The following ETFA variants were observed in gnomAD, a reference collection of about 807,000 sequenced individuals.
ETFA encodes electron transfer flavoprotein subunit alpha, mitochondrial.
Under a neutral mutation model 46.2 loss-of-function variants are expected in ETFA, and 22 were observed. That is an observed-to-expected ratio of 0.48 (90% confidence interval 0.34 to 0.68). ETFA has a LOEUF of 0.68. ETFA is among the 30% of genes least tolerant of loss of function. ETFA has a pLI of 0.01. For synonymous variants in ETFA, 131 were observed against 139.9 expected (o/e 0.94, Z 0.45); for missense variants, 345 against 401.1 (o/e 0.86, Z 1.19).
At chr15:76,270,945 G>A (rs765506777) in intron 9 of ETFA, among the ~76,000 whole-genome samples, 5 of 152,070 alleles carry the variant, frequency 3.3e-5, no homozygotes, top group African/African-American at 7.2e-5. Context: ...CAAGGTGGGC[G>A]GATCACTTGA....
intron 11 of ETFA, among the ~76,000 whole-genome samples, chr15:76,221,338 G>A: frequency 6.6e-6 from 1 of 152,234 alleles, no homozygotes; most frequent in Non-Finnish European, 1.5e-5. Flanking sequence ...GGCTGGAGAT[G>A]CAGAATGTAA....
At chr15:76,217,604 A>C (rs1171143825) in intron 11 of ETFA, 1 of 455,774 alleles carries the variant, frequency 2.2e-6, no homozygotes, top group African/African-American at 2.0e-5. Context: ...GTGGCAGTGC[A>C]GTGGCTGCAA....
At chr15:76,246,615 A>C (rs954321381) in intron 9 of ETFA, among the ~76,000 whole-genome samples, 2 of 152,124 alleles carry the variant, frequency 1.3e-5, no homozygotes, top group Non-Finnish European at 2.9e-5. Context: ...GCAGATCACG[A>C]GGTCAGGAGA....
chr15:76,258,372 T>C (rs1029114700), intron 9 of ETFA, among the ~76,000 whole-genome samples: 5 of 152,062 alleles, frequency 3.3e-5, no homozygotes, highest in Admixed American at 3.3e-4. Context: ...TTCCTTTGTG[T>C]GACCCGGTCA....
chr15:76,266,199 C>A (rs1263436265), intron 9 of ETFA, among the ~76,000 whole-genome samples: 1 of 152,194 alleles, frequency 6.6e-6, no homozygotes, highest in Non-Finnish European at 1.5e-5. Context: ...CTCCAAAATA[C>A]TAGCCTCTTA....
At position 76,274,394 on chromosome 15, in the gene ETFA, T is replaced by TTTTATTG; in HGVS notation, c.816+11_816+17dup. 1 of 1,571,414 alleles carries TTTTATTG rather than the reference T, an allele frequency of 6.4e-7. No individual in the cohort carries two copies. Among genetic ancestry groups the TTTTATTG allele is most frequent in the Non-Finnish European group, 8.7e-7 (1 of 1,146,050 alleles). On this transcript the variant is annotated intron_variant, in intron 9 of 11. Transcript: ENST00000557943. Reference sequence around the variant, plus strand: ...TCCCCATAACATTTTACACAGCATATTTTATTGCAATACTTACTGGTGCTA... The same window carrying TTTTATTG: ...TCCCCATAACATTTTACACAGCATATTTTATTGTTTATTGCAATACTTACTGGTGCTA...
Position 76,288,067 on chromosome 15 carries a change from T to C in ETFA, c.352-122A>G, listed in dbSNP as rs1245105913. On this transcript the variant is annotated intron_variant, in intron 4 of 11. Coordinates refer to ENST00000557943, the MANE Select transcript of ETFA (RefSeq NM_000126.4). ...AATTTTAATTCAAATATTTTATATT[T>C]CGTGTGCACCTTTGGATACACAACT... is the stretch of plus-strand genomic sequence containing the variant. The C allele has an allele frequency of 5.0e-5, 36 of 715,172 alleles. No homozygotes were observed. The South Asian group carries it at 5.4e-4, about 11-fold the overall frequency. 44.3% of individuals were successfully genotyped at this position (715,172 alleles called of 1,614,324 possible).
chr15:76,272,834 G>A lies in ETFA; in HGVS notation c.816+1578C>T, dbSNP rs575038435. Among the ~76,000 whole-genome samples, 25 of 88,106 alleles carry A rather than the reference G, an allele frequency of 2.8e-4. 1 individual carries two copies. Among genetic ancestry groups the A allele is most frequent in the Admixed American group, 1.1e-3 (10 of 9,140 alleles). 57.8% of individuals were successfully genotyped at this position (88,106 alleles called of 152,430 possible). ...TATACATATATATATATATATATGC[G>A]CATGTGTGCTAGAGCTCATTAAATG... is the stretch of plus-strand genomic sequence containing the variant. On this transcript the variant is annotated intron_variant, in intron 9 of 11. Coordinates refer to ENST00000557943, the MANE Select transcript of ETFA (RefSeq NM_000126.4).
At chr15:76,218,146 A>C (rs1458348517) in intron 11 of ETFA, among the ~76,000 whole-genome samples, 3 of 152,248 alleles carry the variant, frequency 2.0e-5, no homozygotes, top group Non-Finnish European at 4.4e-5. Context: ...GTGAAACACT[A>C]ATTTGGTTTA....
At chr15:76,219,170 CAAAAG>C in intron 11 of ETFA, among the ~76,000 whole-genome samples, 1 of 152,216 alleles carries the variant, frequency 6.6e-6, no homozygotes, top group Non-Finnish European at 1.5e-5. Context: ...GAAGAGGAAA[CAAAAG>C]AAGGTTTAGA....
At chr15:76,227,198 G>C (rs1158060011) in intron 10 of ETFA, among the ~76,000 whole-genome samples, 4 of 152,008 alleles carry the variant, frequency 2.6e-5, no homozygotes, top group Non-Finnish European at 5.9e-5. Context: ...AGGCGTTCAA[G>C]ACCAGCCTGC....
At position 76,229,464 on chromosome 15, in the gene ETFA, T is replaced by C. The variant is rs1473267467; in HGVS notation, c.882+1869A>G. Among the ~76,000 whole-genome samples, 7 of 152,366 alleles carry C rather than the reference T, an allele frequency of 4.6e-5. No individual in the cohort carries two copies. In the East Asian group the frequency reaches 1.3e-3, roughly 29 times the overall value. On this transcript the variant is annotated intron_variant, in intron 10 of 11. Transcript: ENST00000557943. ...TAGTGTCTCTCCCACAATCCAGCCC[T>C]GTTGGCATGGGGTGAGAATTTTCAC...
intron 9 of ETFA, among the ~76,000 whole-genome samples, chr15:76,270,017 A>G (rs2039512539): frequency 6.6e-6 from 1 of 152,242 alleles, no homozygotes; most frequent in African/African-American, 2.4e-5. Flanking sequence ...TGAGCATCAG[A>G]TTAATTGCAG....
At chr15:76,241,394 C>T (rs2039186447) in intron 9 of ETFA, among the ~76,000 whole-genome samples, 1 of 152,038 alleles carries the variant, frequency 6.6e-6, no homozygotes, top group South Asian at 2.1e-4. Flanking sequence ...ATCCCAGCTA[C>T]TTGGGAGGCT....
rs530966730 is a variant in ETFA at position 76,273,294 on chromosome 15, C to T, written c.816+1118G>A. 3.3e-5 allele frequency among the ~76,000 whole-genome samples: 5 copies of T among 152,208 alleles called. No homozygotes were observed. In the South Asian group the frequency reaches 6.2e-4, roughly 19 times the overall value. ...ACTTCAGGCCGGGTGCGGTGGCTCA[C>T]GCTGTAATTCCAGCACTTTGGGAGG... On this transcript the variant is annotated intron_variant, in intron 9 of 11. Coordinates refer to ENST00000557943, the MANE Select transcript of ETFA (RefSeq NM_000126.4).
chr15:76,258,598 C>T (rs1203104163), intron 9 of ETFA, among the ~76,000 whole-genome samples: 1 of 152,212 alleles, frequency 6.6e-6, no homozygotes, highest in Non-Finnish European at 1.5e-5. Context: ...GGAGGCAGCC[C>T]AATGCATGCA....
intron 1 of ETFA, among the ~76,000 whole-genome samples, chr15:76,300,111 T>C (rs2039865290): frequency 2.0e-5 from 3 of 152,216 alleles, no homozygotes; most frequent in African/African-American, 7.2e-5. Context: ...AGTTACTGAC[T>C]ACTCCCTTCT....
At chr15:76,254,892 A>G (rs574299874) in intron 9 of ETFA, among the ~76,000 whole-genome samples, 23 of 152,342 alleles carry the variant, frequency 1.5e-4, no homozygotes, top group African/African-American at 4.8e-4. Flanking sequence ...TTATTGTTCA[A>G]TAAACCAATG....
At chr15:76,228,277 T>C (rs927472866) in intron 10 of ETFA, 1 of 313,640 alleles carries the variant, frequency 3.2e-6, no homozygotes. Flanking sequence ...CTTGATCTCC[T>C]GGGCTCAAGT....
Sources: allele counts gnomAD v4.1 joint callset (sites outside exome capture counted in the v4.1 genomes callset), GRCh38; gene constraint gnomAD v4.1.1; transcripts MANE v1.5; gene names NCBI Gene and HGNC (gene_info 2026-07-23, HGNC 2026-07-21).